ATRN: variants seen among roughly 807,000 people sequenced by gnomAD.
ATRN encodes attractin, also known as attractin-2.
Under a neutral mutation model 178.7 loss-of-function variants are expected in ATRN, and 54 were observed. The ratio of observed to expected loss-of-function variants is 0.30; its 90% CI spans 0.24 to 0.38. The LOEUF is 0.38. Among genes scored for constraint, ATRN ranks in the 10% least tolerant of loss-of-function variants. The pLI, the probability that ATRN is intolerant of heterozygous loss-of-function variation, is 1.00. For synonymous variants in ATRN, 636 were observed against 663.0 expected (o/e 0.96, Z 0.63); for missense variants, 1,443 against 1,815.1 (o/e 0.79, Z 3.73).
At chr20:3,625,691 C>T (rs6115967) in intron 25 of ATRN, among the ~76,000 whole-genome samples, 1 of 152,196 alleles carries the variant, frequency 6.6e-6, no homozygotes, top group South Asian at 2.1e-4. Context: ...ACCCTAGAAC[C>T]TTCCCACCTC....
At chr20:3,490,204 C>G in intron 1 of ATRN, 1 of 1,523,922 alleles carries the variant, frequency 6.6e-7, no homozygotes, top group Non-Finnish European at 9.1e-7. Flanking sequence ...CGCCACATTT[C>G]AAGCCTAAAG....
In ATRN at chr20:3,578,629, A is replaced by C. The variant is rs1238137948; in HGVS notation, c.2401A>C (p.Lys801Gln). 4.3e-6 allele frequency: 7 copies of C among 1,612,832 alleles called. No homozygotes were observed. The African/African-American group carries it at 8.0e-5, about 18-fold the overall frequency. Residue 801 changes from lysine (K) to glutamine (Q), a missense_variant, in exon 15 of 29, where the codon AAA becomes CAA. Lys to Gln is a moderately conservative substitution (Grantham distance 53). Around this residue, in one of 4 missense-constraint regions of ATRN, gnomAD observed 212 missense variants for 330.7 expected, o/e 0.64. Transcript: ENST00000262919. ...GCATTTGGTTGGAAACTCATGTTTG[A>C]AAATTACTACTGCCAAGGAGAATTA... ...GWHLVGNSCLKITTAKENYDN... is the reference protein window; with the variant it reads ...GWHLVGNSCLQITTAKENYDN...
chr20:3,602,739 G>A (rs1443783682), intron 23 of ATRN, among the ~76,000 whole-genome samples: 1 of 151,874 alleles, frequency 6.6e-6, no homozygotes, highest in Non-Finnish European at 1.5e-5. Flanking sequence ...TGGGGCAGGT[G>A]GATTACCTGA....
rs1374108153 is a variant in ATRN, at chr20:3,648,834, C to G, written c.*1987C>G. On this transcript the variant is annotated 3_prime_UTR_variant, in exon 29 of 29. Coordinates refer to ENST00000262919, the MANE Select transcript of ATRN (RefSeq NM_139321.3). The stretch of plus-strand genomic sequence containing the variant: ...CAGTGGACTGGCCCCTTAATTCCCA[C>G]AGGCCCCCCCAGCAAGGCCAAAGGG... 6.7e-6 allele frequency: 1 copy of G among 149,526 alleles called. No homozygotes were observed. The highest frequency in any genetic ancestry group is 1.9e-4 in the East Asian group (1 of 5,188). The allele number at this position is 149,526 out of a possible 1,614,324, so 9.3% of individuals were successfully genotyped here.
At chr20:3,610,785 C>T (rs1216864486) in intron 24 of ATRN, among the ~76,000 whole-genome samples, 2 of 138,330 alleles carry the variant, frequency 1.4e-5, no homozygotes, top group African/African-American at 5.6e-5. Flanking sequence ...ATGAGATCTC[C>T]CTGTGTTGCC....
intron 11 of ATRN, among the ~76,000 whole-genome samples, chr20:3,566,139 AGAG>A (rs1462745449): frequency 6.6e-6 from 1 of 152,186 alleles, no homozygotes; most frequent in African/African-American, 2.4e-5. Flanking sequence ...AGTTTGGAAA[AGAG>A]GAGAGAGGGC....
chr20:3,527,626 G>A (rs1197661452), intron 1 of ATRN, among the ~76,000 whole-genome samples: 4 of 152,200 alleles, frequency 2.6e-5, no homozygotes, highest in Non-Finnish European at 5.9e-5. Context: ...GCACACATAT[G>A]TTTATTGCAG....
intron 11 of ATRN, 46 bp from the exon 12 acceptor site, chr20:3,572,685 T>C: frequency 6.5e-7 from 1 of 1,534,226 alleles, no homozygotes; most frequent in Non-Finnish European, 9.0e-7. Context: ...CATCCAATTG[T>C]TATCTGAGTC....
At chr20:3,576,411 A>C (rs145177741) in intron 13 of ATRN, among the ~76,000 whole-genome samples, 14 of 152,324 alleles carry the variant, frequency 9.2e-5, no homozygotes, top group Admixed American at 1.3e-4. Context: ...TTTAAGTTAT[A>C]AGATGACCCA....
intron 24 of ATRN, among the ~76,000 whole-genome samples, chr20:3,617,286 C>T (rs144441850): frequency 4.5e-4 from 69 of 152,172 alleles, no homozygotes; most frequent in African/African-American, 1.5e-3. Flanking sequence ...GGGCTGAGGA[C>T]ATAAACATCC....
intron 1 of ATRN, among the ~76,000 whole-genome samples, chr20:3,492,841 A>G (rs1258957017): frequency 7.6e-6 from 1 of 132,300 alleles, no homozygotes; most frequent in East Asian, 2.0e-4. Flanking sequence ...AAAGGGAGAG[A>G]GAGAGAGAGA....
chr20:3,556,016 T>A (rs2085871550), intron 6 of ATRN, among the ~76,000 whole-genome samples: 1 of 152,122 alleles, frequency 6.6e-6, no homozygotes, highest in Non-Finnish European at 1.5e-5. Context: ...GACAAGATGA[T>A]AATAACAGAA....
At chr20:3,619,912 C>G (rs983695562) in intron 24 of ATRN, among the ~76,000 whole-genome samples, 1 of 152,200 alleles carries the variant, frequency 6.6e-6, no homozygotes, top group African/African-American at 2.4e-5. Context: ...TAGAATGACA[C>G]TTAAGCACCA....
intron 14 of ATRN, 100 bp downstream of exon 14, chr20:3,577,097 G>A: frequency 7.0e-7 from 1 of 1,430,070 alleles, no homozygotes; most frequent in Non-Finnish European, 9.4e-7. Flanking sequence ...GAGGGGAAGA[G>A]CTAATTCTGT....
At chr20:3,587,306 A>C (rs1197616900) in intron 18 of ATRN, among the ~76,000 whole-genome samples, 4 of 152,140 alleles carry the variant, frequency 2.6e-5, no homozygotes, top group Non-Finnish European at 5.9e-5. Context: ...GTGCCCAAGT[A>C]ACCCAGGATC....
At position 3,609,295 on chromosome 20, in the gene ATRN, A is replaced by G. The variant is rs150991883; in HGVS notation, c.3801+5033A>G. On this transcript the variant is annotated intron_variant, in intron 24 of 28. Coordinates refer to ENST00000262919, the MANE Select transcript of ATRN (RefSeq NM_139321.3). Reference sequence around the variant, plus strand: ...GTTTTTGGAAGTTTTAAAAAAATCTATCGAGAATGGGATTGCTTTCTTGAT... The same window carrying G: ...GTTTTTGGAAGTTTTAAAAAAATCTGTCGAGAATGGGATTGCTTTCTTGAT... Among the ~76,000 whole-genome samples the G allele has an allele frequency of 1.9e-3, 288 of 152,254 alleles. 2 individuals are homozygous for G. Among genetic ancestry groups the G allele is most frequent in the African/African-American group, 6.7e-3 (277 of 41,548 alleles).
At chr20:3,475,231 C>T (rs184149870) in intron 1 of ATRN, among the ~76,000 whole-genome samples, 188 of 151,992 alleles carry the variant, frequency 1.2e-3, no homozygotes, top group Non-Finnish European at 2.1e-3. Flanking sequence ...CCTGTAAATC[C>T]TGTGTTATAA....
intron 27 of ATRN, among the ~76,000 whole-genome samples, chr20:3,641,455 A>C (rs1390051802): frequency 6.6e-6 from 1 of 151,826 alleles, no homozygotes; most frequent in African/African-American, 2.4e-5. Flanking sequence ...GCCAGGCATG[A>C]TGGCACACAT....
chr20:3,492,008 C>T (rs1023970767), intron 1 of ATRN, among the ~76,000 whole-genome samples: 3 of 151,994 alleles, frequency 2.0e-5, no homozygotes, highest in Admixed American at 6.6e-5. Context: ...TATATATTTA[C>T]GTGGACTCTT....
Sources: gnomAD v4.1 joint callset for allele counts (sites outside exome capture counted in the v4.1 genomes callset) on GRCh38, gnomAD v4.1.1 for gene constraint, gnomAD v4.1.1 regional missense constraint, MANE v1.5 for transcripts, NCBI Gene and HGNC (gene_info 2026-07-23, HGNC 2026-07-21) for gene names.